The following LNP1 variants were observed in gnomAD, a reference collection of about 807,000 sequenced individuals.
LNP1 encodes leukemia NUP98 fusion partner 1.
Under a neutral mutation model 14.5 loss-of-function variants are expected in LNP1, and 12 were observed. That is an observed-to-expected ratio of 0.83 (90% CI 0.53 to 1.34). The LOEUF (loss-of-function observed/expected upper bound fraction) is 1.34, where lower values mean the gene tolerates loss of function less well. Among genes scored for constraint, LNP1 ranks in the 40% most tolerant of loss-of-function variants. The pLI, the probability that LNP1 is intolerant of heterozygous loss-of-function variation, is 0.00. For missense variants in LNP1, 198 were observed against 210.9 expected (o/e 0.94, Z 0.38); for synonymous variants, 75 against 71.4 (o/e 1.05, Z -0.26).
rs543330063 is a variant in LNP1, at chr3:100,436,213, A to G, written c.156+6328A>G. ...GGCATGGCCTTAGGTCCTGTTTATAATTAGGTATCTTATTGCCACAAAGGC... is the reference window on the plus strand; with the variant it reads ...GGCATGGCCTTAGGTCCTGTTTATAGTTAGGTATCTTATTGCCACAAAGGC... On this transcript the variant is annotated intron_variant, in intron 2 of 3. Coordinates refer to ENST00000383693, the MANE Select transcript of LNP1 (RefSeq NM_001085451.2). Among the ~76,000 whole-genome samples the G allele has an allele frequency of 7.9e-5, 12 of 152,266 alleles. 1 individual carries two copies. The South Asian group carries it at 2.5e-3, about 32-fold the overall frequency.
Position 100,451,902 on chromosome 3 carries a change from T to C in LNP1, c.340T>C (p.Ser114Pro). Reference sequence around the variant, plus strand: ...TTCCAAAATTGAGAAATTTTCAGAGTCCTTTGAACGGCAACTGTGCTTTAG... The same window carrying C: ...TTCCAAAATTGAGAAATTTTCAGAGCCCTTTGAACGGCAACTGTGCTTTAG... ...SHSKIEKFSE[S>P]FERQLCFRTK... Residue 114 changes from serine to proline, a missense_variant, in exon 3 of 4, where the codon TCC (serine) becomes CCC (proline). Physicochemically the swap from Ser to Pro is moderately conservative, Grantham distance 74. Coordinates refer to ENST00000383693, the MANE Select transcript of LNP1 (RefSeq NM_001085451.2). 4 of 1,587,294 alleles carry C rather than the reference T, an allele frequency of 2.5e-6. No homozygotes were observed. The highest frequency in any genetic ancestry group is 3.4e-6 in the Non-Finnish European group (4 of 1,167,800).
At chr3:100,415,390 A>G (rs1369489586) in intron 1 of LNP1, among the ~76,000 whole-genome samples, 2 of 152,250 alleles carry the variant, frequency 1.3e-5, no homozygotes, top group African/African-American at 4.8e-5. Flanking sequence ...AAACATCCTT[A>G]ATCTCACCAA....
intron 1 of LNP1, among the ~76,000 whole-genome samples, chr3:100,407,918 C>T (rs1243209416): frequency 6.6e-6 from 1 of 152,086 alleles, no homozygotes; most frequent in Non-Finnish European, 1.5e-5. Flanking sequence ...TTTTTCAGCT[C>T]CAAAATTGGT....
chr3:100,438,223 G>T lies in LNP1; in HGVS notation c.156+8338G>T, dbSNP rs557296046. On this transcript the variant is annotated intron_variant, in intron 2 of 3. Transcript: ENST00000383693. ...AGAATAAAGAACATCGAGTAGTTAA[G>T]CTCTTGAGGTGAATATATTACATAA... Among the ~76,000 whole-genome samples, 10 of 152,292 alleles carry T rather than the reference G, an allele frequency of 6.6e-5. 1 individual carries two copies. The highest frequency in any genetic ancestry group is 2.2e-4 in the African/African-American group (9 of 41,548).
intron 2 of LNP1, among the ~76,000 whole-genome samples, chr3:100,449,230 T>C (rs1194475757): frequency 6.6e-6 from 1 of 150,890 alleles, no homozygotes; most frequent in Non-Finnish European, 1.5e-5. Flanking sequence ...CATGTGTTGT[T>C]TTCATAGTGC....
At chr3:100,427,520 T>C (rs1283896920) in intron 1 of LNP1, among the ~76,000 whole-genome samples, 4 of 152,140 alleles carry the variant, frequency 2.6e-5, no homozygotes, top group African/African-American at 9.7e-5. Flanking sequence ...GCATTGAAGG[T>C]TCACCATCAT....
At chr3:100,441,845 A>G (rs1449031331) in intron 2 of LNP1, among the ~76,000 whole-genome samples, 1 of 151,790 alleles carries the variant, frequency 6.6e-6, no homozygotes, top group Non-Finnish European at 1.5e-5. Flanking sequence ...TTGTATTTTT[A>G]GTAGAGACAG....
At chr3:100,417,787 G>A (rs1327699221) in intron 1 of LNP1, among the ~76,000 whole-genome samples, 1 of 151,892 alleles carries the variant, frequency 6.6e-6, no homozygotes, top group Non-Finnish European at 1.5e-5. Context: ...CTTTTTCGGG[G>A]AGTTCATTAT....
intron 3 of LNP1, 27 bp from the exon 4 acceptor site, chr3:100,455,750 T>A: frequency 1.2e-6 from 2 of 1,611,776 alleles, no homozygotes; most frequent in Non-Finnish European, 1.7e-6. Context: ...TGTGCATTTT[T>A]ACCTGTTTCT....
At chr3:100,446,925 G>T (rs1260150197) in intron 2 of LNP1, among the ~76,000 whole-genome samples, 1 of 152,090 alleles carries the variant, frequency 6.6e-6, no homozygotes, top group Non-Finnish European at 1.5e-5. Context: ...CAGTTAGAAC[G>T]GCAATCATTA....
At chr3:100,424,777 C>T (rs1026253892) in intron 1 of LNP1, among the ~76,000 whole-genome samples, 1 of 152,218 alleles carries the variant, frequency 6.6e-6, no homozygotes, top group Non-Finnish European at 1.5e-5. Flanking sequence ...CAGTTTCAGG[C>T]CTGCTATATT....
intron 1 of LNP1, among the ~76,000 whole-genome samples, chr3:100,423,509 G>T (rs1189673685): frequency 5.3e-5 from 8 of 151,720 alleles, no homozygotes; most frequent in African/African-American, 1.7e-4. Flanking sequence ...ATAAATAAAG[G>T]GAAAATCATT....
In LNP1 at chr3:100,451,806, G is replaced by A. The variant is rs537283276; in HGVS notation, c.244G>A (p.Val82Ile). ...EDQEFRCRSH[V>I]RDYRKYSEDG... ...CCAAGAATTTCGATGCCGTAGCCAC[G>A]TACGGGATTACAGAAAATACTCAGA... is the stretch of plus-strand genomic sequence containing the variant. Residue 82 changes from valine (V) to isoleucine (I), a missense_variant, in exon 3 of 4, where the codon GTA becomes ATA. Val to Ile is a conservative substitution (Grantham distance 29, BLOSUM62 3). Coordinates refer to ENST00000383693, the MANE Select transcript of LNP1 (RefSeq NM_001085451.2). 6.2e-6 allele frequency: 10 copies of A among 1,613,892 alleles called. No homozygotes were observed. The East Asian group carries it at 6.7e-5, about 11-fold the overall frequency.
intron 2 of LNP1, among the ~76,000 whole-genome samples, chr3:100,436,810 T>C (rs9871870): frequency 0.014 from 2,155 of 152,224 alleles, 26 homozygotes; most frequent in African/African-American, 0.04. Context: ...TGGGAGATAA[T>C]TAGGGTTAGA....
chr3:100,420,217 T>A (rs1266397114), intron 1 of LNP1, among the ~76,000 whole-genome samples: 1 of 152,230 alleles, frequency 6.6e-6, no homozygotes, highest in African/African-American at 2.4e-5. Flanking sequence ...GTTATGGCCA[T>A]AGACACCATT....
Position 100,451,965 on chromosome 3 carries a change from A to G in LNP1, c.387+16A>G. 1.3e-6 allele frequency: 2 copies of G among 1,554,244 alleles called. No homozygotes were observed. Among genetic ancestry groups the G allele is most frequent in the South Asian group, 1.2e-5 (1 of 85,074 alleles). On this transcript the variant is annotated intron_variant, in intron 3 of 3. Coordinates refer to ENST00000383693, the MANE Select transcript of LNP1 (RefSeq NM_001085451.2). Reference sequence around the variant, plus strand: ...TGCCTCTTTGGTATGTAACAGAGCTACTGAATATTTAAGCCGCTTTAAAAA... The same window carrying G: ...TGCCTCTTTGGTATGTAACAGAGCTGCTGAATATTTAAGCCGCTTTAAAAA...
chr3:100,427,213 G>A (rs1269091570), intron 1 of LNP1, among the ~76,000 whole-genome samples: 2 of 151,808 alleles, frequency 1.3e-5, no homozygotes, highest in Non-Finnish European at 2.9e-5. Context: ...CCCACTTGGA[G>A]GAGAAAGCAA....
At chr3:100,438,332 T>A (rs1056807360) in intron 2 of LNP1, among the ~76,000 whole-genome samples, 2 of 152,192 alleles carry the variant, frequency 1.3e-5, no homozygotes, top group Non-Finnish European at 2.9e-5. Flanking sequence ...CTGTTTTATG[T>A]TCAAAGCAAT....
At chr3:100,409,534 C>T (rs1313637010) in intron 1 of LNP1, among the ~76,000 whole-genome samples, 1 of 146,222 alleles carries the variant, frequency 6.8e-6, no homozygotes, top group Admixed American at 6.8e-5. Context: ...TTCCAGCTCT[C>T]TCTCTCTCTA....
Sources: gnomAD v4.1 joint callset for allele counts (sites outside exome capture counted in the v4.1 genomes callset) on GRCh38, gnomAD v4.1.1 for gene constraint, MANE v1.5 for transcripts, NCBI Gene and HGNC (gene_info 2026-07-23, HGNC 2026-07-21) for gene names.